Variants in DNAL1 observed in about 807,000 individuals in gnomAD.
DNAL1 encodes the protein chromosome 14 open reading frame 168.
In DNAL1, 17 loss-of-function variants were observed where a neutral mutation model predicts 29.4. The observed-to-expected ratio is 0.58, with a 90% CI of 0.40 to 0.87. The LOEUF (loss-of-function observed/expected upper bound fraction) is 0.87. Among genes scored for constraint, DNAL1 ranks in the 40% least tolerant of loss-of-function variants. The pLI, the probability that DNAL1 is intolerant of heterozygous loss-of-function variation, is 0.00. For missense variants in DNAL1, 188 were observed against 214.1 expected (o/e 0.88, Z 0.76); for synonymous variants, 78 against 76.3 (o/e 1.02, Z -0.12).
intron 3 of DNAL1, among the ~76,000 whole-genome samples, chr14:73,660,204 A>G (rs1194905391): frequency 6.6e-6 from 1 of 152,218 alleles, no homozygotes; most frequent in African/African-American, 2.4e-5. Context: ...TGCTGGGACT[A>G]CAGGCATGAG....
intron 3 of DNAL1, 50 bp from the exon 4 acceptor site, chr14:73,661,937 A>G: frequency 7.8e-7 from 1 of 1,281,996 alleles, no homozygotes; most frequent in Non-Finnish European, 1.1e-6. Flanking sequence ...ATAATTTCTG[A>G]TTTACCATTT....
At chr14:73,664,884 C>T (rs1240525132) in intron 4 of DNAL1, among the ~76,000 whole-genome samples, 2 of 151,788 alleles carry the variant, frequency 1.3e-5, no homozygotes, top group East Asian at 1.9e-4. Context: ...AAAAAAATTA[C>T]GAATGCCACG....
At position 73,654,877 on chromosome 14, in the gene DNAL1, G is replaced by A. The variant is rs763932147; in HGVS notation, c.34G>A (p.Ala12Thr). 84 of 1,539,322 alleles carry A rather than the reference G, an allele frequency of 5.5e-5. No homozygotes were observed. The highest frequency in any genetic ancestry group is 7.1e-5 in the Non-Finnish European group (81 of 1,143,772). ...AKATTIKEAL[A>T]RWEEKTGQRP... ...AGCAACAACAATCAAAGAAGCCTTA[G>A]CGAGATGGGTGAGTACATGAGTTTT... The change falls in exon 2 of 8, where the codon GCG (alanine) becomes ACG (threonine). Residue 12 changes from alanine to threonine, a missense_variant. Transcript: ENST00000553645.
chr14:73,689,034 T>G (rs1251868392), intron 6 of DNAL1, among the ~76,000 whole-genome samples: 2 of 140,342 alleles, frequency 1.4e-5, no homozygotes, highest in Non-Finnish European at 3.1e-5. Flanking sequence ...CTGTTTTTTT[T>G]TTTTTTTTTT....
chr14:73,701,081 C>G lies in DNAL1; in HGVS notation c.*5139C>G, dbSNP rs1259049953. ...TAGACTGAGTCTTACCTTTCTCTGA[C>G]CTAAGATAAACTGATAAAACTTTTT... On this transcript the variant is annotated 3_prime_UTR_variant, in exon 8 of 8. Coordinates refer to ENST00000553645, the MANE Select transcript of DNAL1 (RefSeq NM_031427.4). 2.0e-5 allele frequency: 3 copies of G among 152,146 alleles called. No homozygotes were observed. The highest frequency in any genetic ancestry group is 2.9e-5 in the Non-Finnish European group (2 of 68,038). The allele number at this position is 152,146 out of a possible 1,614,324, so 9.4% of individuals were successfully genotyped here.
At chr14:73,662,144 C>A in intron 4 of DNAL1, 102 bp downstream of exon 4, 2 of 1,004,348 alleles carry the variant, frequency 2.0e-6, no homozygotes, top group Non-Finnish European at 3.0e-6. Context: ...CTGTTTTAGC[C>A]ATACTTGTTG....
At chr14:73,653,639 T>A (rs2140026283) in intron 1 of DNAL1, among the ~76,000 whole-genome samples, 1 of 152,296 alleles carries the variant, frequency 6.6e-6, no homozygotes, top group African/African-American at 2.4e-5. Flanking sequence ...ATTACAGATG[T>A]GAGACACTGT....
rs1192021778 is a variant in DNAL1, at chr14:73,699,389, TC to T, written c.*3449del. The T allele has an allele frequency of 6.6e-6, 1 of 151,700 alleles. No individual in the cohort carries two copies. Among genetic ancestry groups the T allele is most frequent in the Non-Finnish European group, 1.5e-5 (1 of 67,966 alleles). 9.4% of individuals were successfully genotyped at this position (151,700 alleles called of 1,614,324 possible). On this transcript the variant is annotated 3_prime_UTR_variant, in exon 8 of 8. Transcript: ENST00000553645. ...GGCGCAATCTCAGCTCACTGCAACC[TC>T]CGTCTCCCGGGTTCAAGCAATTCTT... is the stretch of plus-strand genomic sequence containing the variant.
intron 1 of DNAL1, among the ~76,000 whole-genome samples, chr14:73,652,771 AT>A (rs1566879396): frequency 6.6e-6 from 1 of 151,916 alleles, no homozygotes; most frequent in East Asian, 1.9e-4. Context: ...CGCCTATCTC[AT>A]TTGTTTTCTA....
At chr14:73,670,773 G>T (rs1337102254) in intron 4 of DNAL1, among the ~76,000 whole-genome samples, 1 of 150,028 alleles carries the variant, frequency 6.7e-6, no homozygotes, top group Non-Finnish European at 1.5e-5. Flanking sequence ...TTCTCGCTCT[G>T]TCGCCCAGGC....
At chr14:73,677,625 T>G (rs1370735596) in intron 5 of DNAL1, among the ~76,000 whole-genome samples, 7 of 145,220 alleles carry the variant, frequency 4.8e-5, no homozygotes, top group Non-Finnish European at 1.1e-4. Context: ...GGCATGATCT[T>G]GGCTCACTGC....
intron 1 of DNAL1, among the ~76,000 whole-genome samples, chr14:73,649,524 C>T (rs975730089): frequency 2.2e-4 from 33 of 151,628 alleles, no homozygotes; most frequent in African/African-American, 7.3e-4. Context: ...CCTCGTGATC[C>T]GCCCGCCTCA....
Position 73,687,122 on chromosome 14 carries a change from CACA to C in DNAL1, c.265-134_265-132del, listed in dbSNP as rs1892038049. 6.9e-6 allele frequency: 7 copies of C among 1,020,394 alleles called. No homozygotes were observed. The South Asian group carries it at 1.4e-4, about 21-fold the overall frequency. 63.2% of individuals were successfully genotyped at this position (1,020,394 alleles called of 1,614,324 possible). Reference sequence around the variant, plus strand: ...TCAATGAGAAAAAAAAAACCTCCCACACAACTACTAGCTCTTCTACAAGTAGAC... The same window carrying C: ...TCAATGAGAAAAAAAAAACCTCCCACACTACTAGCTCTTCTACAAGTAGAC... On this transcript the variant is annotated intron_variant, in intron 5 of 7. Coordinates refer to ENST00000553645, the MANE Select transcript of DNAL1 (RefSeq NM_031427.4).
chr14:73,658,017 C>T (rs1447426766), intron 2 of DNAL1, among the ~76,000 whole-genome samples: 1 of 152,162 alleles, frequency 6.6e-6, no homozygotes, highest in Non-Finnish European at 1.5e-5. Context: ...TATTTTCTTC[C>T]AGTGGCTTTA....
intron 6 of DNAL1, among the ~76,000 whole-genome samples, chr14:73,687,611 G>A (rs8007379): frequency 6.6e-6 from 1 of 152,168 alleles, no homozygotes; most frequent in Non-Finnish European, 1.5e-5. Flanking sequence ...GGTGGCTCAC[G>A]CCTGTAATCC....
intron 4 of DNAL1, among the ~76,000 whole-genome samples, chr14:73,663,202 ATT>A (rs58367000): frequency 2.3e-4 from 29 of 125,140 alleles, no homozygotes; most frequent in African/African-American, 3.4e-4. Flanking sequence ...GGTCCCAGTA[ATT>A]TTTTTTTTTT....
intron 5 of DNAL1, among the ~76,000 whole-genome samples, chr14:73,674,743 T>C (rs1170135661): frequency 1.3e-5 from 2 of 152,192 alleles, no homozygotes; most frequent in Non-Finnish European, 2.9e-5. Context: ...GGTCCCACTA[T>C]GTTGCCCAGG....
At chr14:73,676,696 C>T (rs1167933605) in intron 5 of DNAL1, among the ~76,000 whole-genome samples, 5 of 148,160 alleles carry the variant, frequency 3.4e-5, no homozygotes, top group Non-Finnish European at 5.9e-5. Flanking sequence ...TGTGGGTTTT[C>T]TCTCTCTCTC....
chr14:73,700,863 T>C lies in DNAL1; in HGVS notation c.*4921T>C, dbSNP rs753220628. Reference sequence around the variant, plus strand: ...AGAGTTGGTGCTTCTTCTGACAAGCTAACTTGACCATATTTCTTTATCTGT... The same window carrying C: ...AGAGTTGGTGCTTCTTCTGACAAGCCAACTTGACCATATTTCTTTATCTGT... On this transcript the variant is annotated 3_prime_UTR_variant, in exon 8 of 8. Coordinates refer to ENST00000553645, the MANE Select transcript of DNAL1 (RefSeq NM_031427.4). 5 of 152,250 alleles carry C rather than the reference T, an allele frequency of 3.3e-5. No homozygotes were observed. Among genetic ancestry groups the C allele is most frequent in the Non-Finnish European group, 7.3e-5 (5 of 68,044 alleles). 9.4% of individuals were successfully genotyped at this position (152,250 alleles called of 1,614,324 possible).
Sources: gnomAD v4.1 joint callset for allele counts (sites outside exome capture counted in the v4.1 genomes callset) on GRCh38, gnomAD v4.1.1 for gene constraint, MANE v1.5 for transcripts, NCBI Gene and HGNC (gene_info 2026-07-23, HGNC 2026-07-21) for gene names.